Variants in USP40 observed in about 807,000 individuals in gnomAD.
USP40 encodes ubiquitin carboxyl-terminal hydrolase 40.
USP40 carries 143 observed loss-of-function variants against 166.2 expected under a neutral mutation model. The ratio of observed to expected loss-of-function variants is 0.86; its 90% confidence interval spans 0.75 to 0.99. The LOEUF is 0.99. USP40 is among the 50% of genes least tolerant of loss of function. USP40 has a pLI of 0.00. For synonymous variants in USP40, 498 were observed against 524.0 expected, an observed-to-expected ratio of 0.95 and a Z score of 0.68; for missense variants, 1,444 against 1,479.7, an observed-to-expected ratio of 0.98 and a Z score of 0.40.
rs1446396559 is a variant in USP40, at chr2:233,493,553, T to C, written c.2791-2A>G. The C allele has an allele frequency of 2.5e-6, 4 of 1,610,370 alleles. No homozygotes were observed. In the African/African-American group the frequency reaches 4.0e-5, roughly 16 times the overall value. ...CCAGATGGGCACCTTCAGGAAACCC[T>C]GAAGAATGGAGCATGTTTAACTGCT... On this transcript the variant is annotated splice_acceptor_variant, in intron 24 of 31. Transcript: ENST00000678225. LOFTEE classifies it high-confidence loss of function. This position sits in a 1 kb window ranked among gnomAD's most constrained non-coding sequence, Gnocchi z 4.7.
At position 233,477,128 on chromosome 2, in the gene USP40, C is replaced by T. The variant is rs891789946; in HGVS notation, c.*264G>A. 12 of 487,806 alleles carry T rather than the reference C, an allele frequency of 2.5e-5. No individual in the cohort carries two copies. The Admixed American group carries it at 2.6e-4, about 11-fold the overall frequency. 30.2% of individuals were successfully genotyped at this position (487,806 alleles called of 1,614,324 possible). A position where few individuals can be genotyped will look rare whatever the true frequency, so the allele number is the denominator to read the frequency against. On this transcript the variant is annotated 3_prime_UTR_variant, in exon 32 of 32. Coordinates refer to ENST00000678225, the MANE Select transcript of USP40 (RefSeq NM_001365479.2). ...AAAGAAAAAAAAAGGCAGCTGGGGC[C>T]GGGTGCTGTGTGAGAGAGCCCAGCA...
chr2:233,525,915 G>T (rs2067990567), intron 13 of USP40, among the ~76,000 whole-genome samples: 1 of 152,170 alleles, frequency 6.6e-6, no homozygotes, highest in African/African-American at 2.4e-5. Context: ...AGACTAATTT[G>T]CAGAATTAGC....
chr2:233,543,132 G>T (rs1490420682), intron 8 of USP40, among the ~76,000 whole-genome samples: 1 of 152,098 alleles, frequency 6.6e-6, no homozygotes, highest in Non-Finnish European at 1.5e-5. Context: ...AAATTCCCCG[G>T]TAAGTTATTT....
intron 22 of USP40, among the ~76,000 whole-genome samples, chr2:233,499,333 A>G (rs1274603800): frequency 6.6e-6 from 1 of 152,128 alleles, no homozygotes; most frequent in Non-Finnish European, 1.5e-5. Flanking sequence ...TGCAAAGGAC[A>G]TGATCTCATT....
At chr2:233,529,788 C>A (rs1157497838) in intron 11 of USP40, among the ~76,000 whole-genome samples, 3 of 140,822 alleles carry the variant, frequency 2.1e-5, no homozygotes, top group East Asian at 2.0e-4. Context: ...CCCAGATTTT[C>A]ATCTTTTTTT....
chr2:233,485,977 GC>G lies in USP40; in HGVS notation c.3198-1del, dbSNP rs1274419200. The G allele has an allele frequency of 6.4e-7, 1 of 1,568,624 alleles. No individual in the cohort carries two copies. The highest frequency in any genetic ancestry group is 1.4e-5 in the African/African-American group (1 of 73,264). ...GTGTCCTCAGCAGCACGTCCTGGGGGCTGTACCAGAAAACCGTCAAGCGCCA... is the reference window on the plus strand; with the variant it reads ...GTGTCCTCAGCAGCACGTCCTGGGGGTGTACCAGAAAACCGTCAAGCGCCA... On this transcript the variant is annotated splice_acceptor_variant, in intron 28 of 31. Transcript: ENST00000678225. LOFTEE classifies it high-confidence loss of function.
chr2:233,554,133 G>A (rs2070833385), intron 6 of USP40, among the ~76,000 whole-genome samples: 1 of 152,136 alleles, frequency 6.6e-6, no homozygotes, highest in Non-Finnish European at 1.5e-5. Flanking sequence ...GCAAAAAGGA[G>A]GGATACTTAC....
At position 233,486,316 on chromosome 2, in the gene USP40, G is replaced by T. The variant is rs2125046538; in HGVS notation, c.3198-339C>A. ...GGACAGGGTGAGAGAGGCCTGGCTT[G>T]ATAGCCCGGCAGCTGGCAGGAGGAG... On this transcript the variant is annotated intron_variant, in intron 28 of 31. Coordinates refer to ENST00000678225, the MANE Select transcript of USP40 (RefSeq NM_001365479.2). This position sits in a 1 kb window ranked among gnomAD's most constrained non-coding sequence, Gnocchi z 4.0. 6.6e-6 allele frequency among the ~76,000 whole-genome samples: 1 copy of T among 152,316 alleles called. No individual in the cohort carries two copies. Among genetic ancestry groups the T allele is most frequent in the South Asian group, 2.1e-4 (1 of 4,818 alleles).
intron 20 of USP40, among the ~76,000 whole-genome samples, chr2:233,510,531 T>C (rs1234566278): frequency 6.6e-6 from 1 of 151,044 alleles, no homozygotes; most frequent in African/African-American, 2.4e-5. Flanking sequence ...GCCTCCCATG[T>C]AGCTGGGATT....
chr2:233,562,581 G>A (rs1024304298), intron 3 of USP40, among the ~76,000 whole-genome samples, 155 bp downstream of exon 3: 1 of 137,856 alleles, frequency 7.3e-6, no homozygotes, highest in African/African-American at 2.6e-5. Context: ...GGGGGGAGGG[G>A]GGAGGGATAG....
At chr2:233,539,566 C>G (rs189920766) in intron 10 of USP40, among the ~76,000 whole-genome samples, 3 of 151,914 alleles carry the variant, frequency 2.0e-5, no homozygotes, top group Admixed American at 6.5e-5. Flanking sequence ...ATATTTCAAA[C>G]TGAATGAAAA....
At chr2:233,561,205 T>C in intron 3 of USP40, 2 of 1,571,148 alleles carry the variant, frequency 1.3e-6, no homozygotes, top group Non-Finnish European at 1.7e-6. Context: ...CAAGCTCTTC[T>C]GGGCCAAGAG....
chr2:233,529,429 A>G lies in USP40; in HGVS notation c.1553+2T>C. ...CAAACTCTAAAAGCAATTTAAAATT[A>G]CCTTTTGGTTTGCAGTTCAATGTTA... On this transcript the variant is annotated splice_donor_variant, in intron 12 of 31. Coordinates refer to ENST00000678225, the MANE Select transcript of USP40 (RefSeq NM_001365479.2). LOFTEE classifies it high-confidence loss of function. The G allele has an allele frequency of 1.3e-6, 2 of 1,559,020 alleles. No homozygotes were observed. The highest frequency in any genetic ancestry group is 1.7e-6 in the Non-Finnish European group (2 of 1,149,650).
rs191334366 is a variant in USP40 at position 233,493,963 on chromosome 2, G to A, written c.2791-412C>T. Among the ~76,000 whole-genome samples, 29 of 152,178 alleles carry A rather than the reference G, an allele frequency of 1.9e-4. No individual in the cohort carries two copies. The highest frequency in any genetic ancestry group is 5.3e-4 in the African/African-American group (22 of 41,506). On this transcript the variant is annotated intron_variant, in intron 24 of 31. Coordinates refer to ENST00000678225, the MANE Select transcript of USP40 (RefSeq NM_001365479.2). The surrounding 1 kb of genome is among the most constrained non-coding windows in gnomAD (Gnocchi z 4.7). ...TAATGGGTTTCTGATACAAACTAAA[G>A]GAAATAAACCCATTGTCTTATACAT... is the stretch of plus-strand genomic sequence containing the variant.
intron 16 of USP40, 129 bp downstream of exon 16, chr2:233,523,041 T>G: frequency 9.3e-7 from 1 of 1,071,638 alleles, no homozygotes; most frequent in East Asian, 2.4e-5. Context: ...ATGCAATATT[T>G]AGAACATAAT....
At chr2:233,557,906 G>A (rs928038275) in intron 4 of USP40, among the ~76,000 whole-genome samples, 3 of 151,804 alleles carry the variant, frequency 2.0e-5, no homozygotes, top group African/African-American at 4.8e-5. Flanking sequence ...TCAGCTACCT[G>A]GGAGGCCGAG....
intron 18 of USP40, among the ~76,000 whole-genome samples, chr2:233,517,238 G>C (rs2067262272): frequency 6.6e-6 from 1 of 152,120 alleles, no homozygotes; most frequent in Non-Finnish European, 1.5e-5. Context: ...ACATAAACTA[G>C]TACAGCCACT....
chr2:233,550,632 T>C (rs1268775041), intron 7 of USP40, among the ~76,000 whole-genome samples: 4 of 152,150 alleles, frequency 2.6e-5, no homozygotes, highest in African/African-American at 9.6e-5. Flanking sequence ...AGCTAATAAA[T>C]GTTCTATTCT....
rs974891347 is a variant in USP40, at chr2:233,480,083, C to T, written c.3599+1120G>A. Among the ~76,000 whole-genome samples the T allele has an allele frequency of 2.0e-5, 3 of 152,180 alleles. No individual in the cohort carries two copies. Among genetic ancestry groups the T allele is most frequent in the African/African-American group, 4.8e-5 (2 of 41,442 alleles). On this transcript the variant is annotated intron_variant, in intron 31 of 31. Coordinates refer to ENST00000678225, the MANE Select transcript of USP40 (RefSeq NM_001365479.2). The surrounding 1 kb of genome is among the most constrained non-coding windows in gnomAD (Gnocchi z 4.5). ...CCCTCCAGCAGCCTCTAACCACGCT[C>T]GAACCCCCACTTCTGCCATGGTCAC...
Sources: allele counts gnomAD v4.1 joint callset (sites outside exome capture counted in the v4.1 genomes callset), GRCh38; gene constraint gnomAD v4.1.1; non-coding constraint Gnocchi (gnomAD v3.1); transcripts MANE v1.5; gene names NCBI Gene and HGNC (gene_info 2026-07-23, HGNC 2026-07-21).